The following UGT8 variants were observed in gnomAD, a reference collection of about 807,000 sequenced individuals.
UGT8 encodes UDP glycosyltransferase 8, also known as 2-hydroxyacylsphingosine 1-beta-galactosyltransferase.
UGT8 carries 12 observed loss-of-function variants against 40.5 expected under a neutral mutation model. The ratio of observed to expected loss-of-function variants is 0.30; its 90% CI spans 0.19 to 0.48. The LOEUF is 0.48. Among genes scored for constraint, UGT8 ranks in the 20% least tolerant of loss-of-function variants. UGT8 has a pLI of 0.99. For missense variants in UGT8, 513 were observed against 648.7 expected, an observed-to-expected ratio of 0.79 and a Z score of 2.27; for synonymous variants, 224 against 240.4, an observed-to-expected ratio of 0.93 and a Z score of 0.63.
chr4:114,662,667 C>T (rs1447485682), intron 2 of UGT8, among the ~76,000 whole-genome samples: 1 of 151,798 alleles, frequency 6.6e-6, no homozygotes, highest in Non-Finnish European at 1.5e-5. Context: ...TCTCTCTGTC[C>T]CCTGCTGAGT....
rs183849308 is a variant in UGT8, at chr4:114,613,140, A to T, written c.-2-9739A>T. On this transcript the variant is annotated intron_variant, in intron 1 of 5. Coordinates refer to ENST00000310836, the MANE Select transcript of UGT8 (RefSeq NM_001128174.3). ...TACTGATTTGGGGATCCATAGATGC[A>T]TGCTGCAATCATTTTATTTTTCTTT... Among the ~76,000 whole-genome samples the T allele has an allele frequency of 2.6e-4, 40 of 152,282 alleles. No individual in the cohort carries two copies. The East Asian group carries it at 5.6e-3, about 21-fold the overall frequency.
Position 114,651,640 on chromosome 4 carries a change from C to T in UGT8, c.823-12355C>T, listed in dbSNP as rs576497370. On this transcript the variant is annotated intron_variant, in intron 2 of 5. Transcript: ENST00000310836. ...AAGCATATGCAGAGAATCTGTCATT[C>T]TCTGACACCCAGGATTAGAAGTAGA... Among the ~76,000 whole-genome samples, 10 of 152,198 alleles carry T rather than the reference C, an allele frequency of 6.6e-5. No individual in the cohort carries two copies. In the South Asian group the frequency reaches 1.9e-3, roughly 28 times the overall value.
chr4:114,614,675 CT>C (rs35952312), intron 1 of UGT8, among the ~76,000 whole-genome samples: 132,064 of 151,758 alleles, frequency 0.87, 59,535 homozygotes, highest in East Asian at 1. Context: ...CCGTGGGCTT[CT>C]ATACAAATAA....
In UGT8 at chr4:114,677,889, G is replaced by T. The variant is rs1735748348; in HGVS notation, c.*1601G>T. 1 of 152,188 alleles carries T rather than the reference G, an allele frequency of 6.6e-6. No homozygotes were observed. Among genetic ancestry groups the T allele is most frequent in the African/African-American group, 2.4e-5 (1 of 41,448 alleles). 9.4% of individuals were successfully genotyped at this position (152,188 alleles called of 1,614,324 possible). ...CTTCATTACTCTCCCACCAGGAGCT[G>T]CTCTCCTGCACTTAGAAATAATGTC... On this transcript the variant is annotated 3_prime_UTR_variant, in exon 6 of 6. Transcript: ENST00000310836.
intron 2 of UGT8, among the ~76,000 whole-genome samples, chr4:114,652,396 A>AT (rs33928530): frequency 0.028 from 4,029 of 144,160 alleles, 66 homozygotes; most frequent in African/African-American, 0.032. Context: ...TCTCATGGGT[A>AT]TTTTTTTTTT....
chr4:114,643,172 T>C (rs1020280144), intron 2 of UGT8, among the ~76,000 whole-genome samples: 2 of 152,170 alleles, frequency 1.3e-5, no homozygotes, highest in African/African-American at 4.8e-5. Flanking sequence ...TATTAAGTTA[T>C]AAAAACAATG....
chr4:114,625,714 C>T (rs1732170321), intron 2 of UGT8, among the ~76,000 whole-genome samples: 1 of 152,040 alleles, frequency 6.6e-6, no homozygotes, highest in South Asian at 2.1e-4. Context: ...ACCATCCAAG[C>T]ATTTTTTTCT....
intron 2 of UGT8, among the ~76,000 whole-genome samples, chr4:114,653,746 AATTT>A (rs1206149122): frequency 1.3e-5 from 2 of 151,970 alleles, no homozygotes; most frequent in African/African-American, 4.8e-5. Flanking sequence ...ATTTTTGGAA[AATTT>A]ATTATTTATT....
intron 2 of UGT8, among the ~76,000 whole-genome samples, chr4:114,658,771 A>C (rs1734345221): frequency 6.6e-6 from 1 of 152,160 alleles, no homozygotes; most frequent in Non-Finnish European, 1.5e-5. Flanking sequence ...TTACCCAATG[A>C]GTGTCTTCTT....
intron 1 of UGT8, among the ~76,000 whole-genome samples, chr4:114,612,556 A>G (rs1731159147): frequency 6.6e-6 from 1 of 152,172 alleles, no homozygotes; most frequent in African/African-American, 2.4e-5. Context: ...AGGTTCTTTT[A>G]TTATTTTAAG....
intron 2 of UGT8, among the ~76,000 whole-genome samples, chr4:114,625,935 G>T (rs925605366): frequency 3.9e-5 from 6 of 152,000 alleles, no homozygotes; most frequent in African/African-American, 1.5e-4. Flanking sequence ...TTTGAAATGC[G>T]TTTTTTGTTT....
intron 2 of UGT8, among the ~76,000 whole-genome samples, chr4:114,657,098 A>C (rs1734238860): frequency 6.6e-6 from 1 of 151,534 alleles, no homozygotes; most frequent in Non-Finnish European, 1.5e-5. Context: ...TTCTGGTGAG[A>C]GTTTCACCTC....
intron 1 of UGT8, among the ~76,000 whole-genome samples, chr4:114,615,725 A>G (rs1674965824): frequency 6.6e-6 from 1 of 152,208 alleles, no homozygotes. Context: ...CCAAGGGCAT[A>G]CATTAGAAAT....
chr4:114,656,869 C>G (rs527998822), intron 2 of UGT8: 1 of 489,872 alleles, frequency 2.0e-6, no homozygotes, highest in African/African-American at 2.0e-5. Context: ...GGTACGGCCT[C>G]ATTAAAAAAT....
chr4:114,630,261 CAG>C (rs1421091144), intron 2 of UGT8, among the ~76,000 whole-genome samples: 8 of 152,136 alleles, frequency 5.3e-5, no homozygotes, highest in Admixed American at 4.6e-4. Flanking sequence ...AATGGAAAAA[CAG>C]GGGCTTTTTT....
intron 2 of UGT8, among the ~76,000 whole-genome samples, chr4:114,631,965 G>C (rs573110748): frequency 6.6e-6 from 1 of 152,286 alleles, no homozygotes; most frequent in East Asian, 1.9e-4. Context: ...TGATGCTGTT[G>C]AATGATCAGT....
At chr4:114,667,198 A>T (rs961975250) in intron 4 of UGT8, among the ~76,000 whole-genome samples, 1 of 152,194 alleles carries the variant, frequency 6.6e-6, no homozygotes, top group African/African-American at 2.4e-5. Flanking sequence ...TGGGAGCACC[A>T]TTGAGACCAT....
At chr4:114,625,534 A>AAG (rs1732156646) in intron 2 of UGT8, among the ~76,000 whole-genome samples, 1 of 145,522 alleles carries the variant, frequency 6.9e-6, no homozygotes, top group Non-Finnish European at 1.5e-5. Context: ...AAAAAAAAAA[A>AAG]GGAATGTCCT....
At chr4:114,632,826 G>A (rs1055320310) in intron 2 of UGT8, among the ~76,000 whole-genome samples, 2 of 152,090 alleles carry the variant, frequency 1.3e-5, no homozygotes, top group African/African-American at 4.8e-5. Flanking sequence ...TTGAATTAAC[G>A]TAATCCGAAG....
Sources: gnomAD v4.1 joint callset for allele counts (sites outside exome capture counted in the v4.1 genomes callset) on GRCh38, gnomAD v4.1.1 for gene constraint, MANE v1.5 for transcripts, NCBI Gene and HGNC (gene_info 2026-07-23, HGNC 2026-07-21) for gene names.